The following PLXDC2 variants were observed in gnomAD, a reference collection of about 807,000 sequenced individuals.
PLXDC2 encodes plexin domain containing 2, also known as plexin domain-containing protein 2.
A neutral mutation model predicts 68.9 loss-of-function variants in PLXDC2; 40 were observed. The observed-to-expected ratio is 0.58, with a 90% CI of 0.45 to 0.76. PLXDC2 has a LOEUF of 0.76. PLXDC2 is among the 30% of genes least tolerant of loss of function. The pLI is 0.00. For missense variants in PLXDC2, 644 were observed against 661.9 expected, an observed-to-expected ratio of 0.97 and a Z score of 0.30; for synonymous variants, 243 against 234.2, an observed-to-expected ratio of 1.04 and a Z score of -0.34.
chr10:19,881,619 C>A (rs1837729444), intron 1 of PLXDC2, among the ~76,000 whole-genome samples: 1 of 152,086 alleles, frequency 6.6e-6, no homozygotes, highest in Non-Finnish European at 1.5e-5. Context: ...ACGGAAAGTT[C>A]CTACTTTTGG....
intron 1 of PLXDC2, among the ~76,000 whole-genome samples, chr10:19,930,073 A>G (rs1410833791): frequency 3.3e-5 from 5 of 152,086 alleles, no homozygotes; most frequent in Admixed American, 2.6e-4. Context: ...TCATTGCTCC[A>G]GCCCACATTT....
intron 1 of PLXDC2, among the ~76,000 whole-genome samples, chr10:19,856,937 G>C (rs1837225408): frequency 1.3e-5 from 2 of 152,190 alleles, no homozygotes; most frequent in African/African-American, 4.8e-5. Context: ...AGATAGATAT[G>C]TACAAAATAA....
intron 1 of PLXDC2, among the ~76,000 whole-genome samples, chr10:19,912,757 G>A (rs1447755294): frequency 1.3e-5 from 2 of 151,992 alleles, no homozygotes; most frequent in Non-Finnish European, 2.9e-5. Context: ...ATTGATAAAT[G>A]ACAACAATTA....
At chr10:20,131,153 TCTTTA>T (rs1352173539) in intron 4 of PLXDC2, among the ~76,000 whole-genome samples, 3 of 103,760 alleles carry the variant, frequency 2.9e-5, no homozygotes, top group African/African-American at 1.1e-4. Flanking sequence ...TGATTAAGTC[TCTTTA>T]CTTGTTATTT....
intron 9 of PLXDC2, among the ~76,000 whole-genome samples, chr10:20,190,171 T>C (rs1450879337): frequency 1.3e-5 from 2 of 151,928 alleles, no homozygotes; most frequent in East Asian, 3.9e-4. Flanking sequence ...ACTTTGGTGG[T>C]TGCACTTTAT....
At chr10:20,235,855 A>C (rs1835425437) in intron 12 of PLXDC2, among the ~76,000 whole-genome samples, 1 of 152,236 alleles carries the variant, frequency 6.6e-6, no homozygotes, top group African/African-American at 2.4e-5. Context: ...AATAAATGGC[A>C]CGGAGAGTCA....
intron 1 of PLXDC2, among the ~76,000 whole-genome samples, chr10:19,850,105 AC>A (rs1200964371): frequency 6.6e-6 from 1 of 152,156 alleles, no homozygotes; most frequent in African/African-American, 2.4e-5. Context: ...TATACTTTGC[AC>A]CCTCTAAAGA....
intron 2 of PLXDC2, among the ~76,000 whole-genome samples, chr10:20,004,295 AG>A (rs1834989507): frequency 6.6e-6 from 1 of 152,356 alleles, no homozygotes; most frequent in East Asian, 1.9e-4. Flanking sequence ...TGCCCCAGGC[AG>A]GTCGCTTACC....
chr10:20,017,337 C>CA (rs765154066), intron 2 of PLXDC2, among the ~76,000 whole-genome samples: 7 of 152,144 alleles, frequency 4.6e-5, no homozygotes, highest in Non-Finnish European at 1.0e-4. Context: ...GTTGTGCACC[C>CA]ATTTGCTCCT....
chr10:19,874,128 C>T lies in PLXDC2; in HGVS notation c.112+56937C>T, dbSNP rs541384230. ...CAAAGTTCAGCAACACTTACGATCA[C>T]AGTGGATTGTCTCTGTTACTCCTGC... On this transcript the variant is annotated intron_variant, in intron 1 of 13. Transcript: ENST00000377252. Among the ~76,000 whole-genome samples the T allele has an allele frequency of 3.3e-5, 5 of 152,316 alleles. No homozygotes were observed. The South Asian group carries it at 8.3e-4, about 25-fold the overall frequency.
intron 1 of PLXDC2, among the ~76,000 whole-genome samples, chr10:19,830,688 CT>C (rs11310678): frequency 0.41 from 61,977 of 151,688 alleles, 12,965 homozygotes; most frequent in East Asian, 0.53. Context: ...ATCTTCACCC[CT>C]GGACCTCAGG....
chr10:19,974,550 G>T (rs891609550), intron 1 of PLXDC2, among the ~76,000 whole-genome samples: 4 of 152,196 alleles, frequency 2.6e-5, no homozygotes, highest in Non-Finnish European at 4.4e-5. Context: ...GAATTATCTT[G>T]TATGTGGGGA....
chr10:20,179,722 A>G (rs1347294467), intron 9 of PLXDC2, among the ~76,000 whole-genome samples: 2 of 152,112 alleles, frequency 1.3e-5, no homozygotes, highest in African/African-American at 4.8e-5. Context: ...GCAAGTTGGA[A>G]TCTGCTTCTA....
intron 1 of PLXDC2, among the ~76,000 whole-genome samples, chr10:19,927,937 C>CA (rs1833565809): frequency 1.3e-5 from 2 of 151,904 alleles, no homozygotes; most frequent in South Asian, 4.2e-4. Flanking sequence ...AGTTTTTCAT[C>CA]CCTCACCTCC....
intron 1 of PLXDC2, among the ~76,000 whole-genome samples, chr10:19,937,126 C>T (rs1833738311): frequency 6.6e-6 from 1 of 152,154 alleles, no homozygotes; most frequent in Admixed American, 6.5e-5. Flanking sequence ...TTCCTTTGAT[C>T]CTCCATTCCT....
At chr10:19,892,206 C>G (rs1230302812) in intron 1 of PLXDC2, among the ~76,000 whole-genome samples, 3 of 152,208 alleles carry the variant, frequency 2.0e-5, no homozygotes, top group Non-Finnish European at 4.4e-5. Flanking sequence ...GTGCCAGCCA[C>G]TGTCTAAGGG....
intron 12 of PLXDC2, among the ~76,000 whole-genome samples, chr10:20,223,794 G>A (rs756623736): frequency 6.6e-6 from 1 of 151,916 alleles, no homozygotes; most frequent in Non-Finnish European, 1.5e-5. Flanking sequence ...AAATCACAAC[G>A]CATTAATTCT....
At chr10:20,268,147 T>C (rs1835894400) in intron 13 of PLXDC2, among the ~76,000 whole-genome samples, 1 of 152,222 alleles carries the variant, frequency 6.6e-6, no homozygotes. Flanking sequence ...TATTAACTTT[T>C]ATTTTCCTGC....
intron 4 of PLXDC2, among the ~76,000 whole-genome samples, chr10:20,104,195 G>A (rs1238102816): frequency 6.6e-6 from 1 of 152,104 alleles, no homozygotes; most frequent in Non-Finnish European, 1.5e-5. Context: ...GATTGTCTAG[G>A]GAAACGCAAT....
Sources: gnomAD v4.1 joint callset for allele counts (sites outside exome capture counted in the v4.1 genomes callset) on GRCh38, gnomAD v4.1.1 for gene constraint, MANE v1.5 for transcripts, NCBI Gene and HGNC (gene_info 2026-07-23, HGNC 2026-07-21) for gene names.